BICC1: variants seen among roughly 807,000 people sequenced by gnomAD.
BICC1 encodes protein bicaudal C homolog 1.
Under a neutral mutation model 111.0 loss-of-function variants are expected in BICC1, and 43 were observed. The ratio of observed to expected loss-of-function variants is 0.39; its 90% CI spans 0.30 to 0.50. BICC1 has a LOEUF of 0.50. Ranked by LOEUF, BICC1 falls within the 20% of genes least tolerant of loss-of-function variation. The pLI is 0.88. For synonymous variants in BICC1, 467 were observed against 434.4 expected (o/e 1.07, Z -0.93); for missense variants, 1,091 against 1,203.2 (o/e 0.91, Z 1.38).
At chr10:58,766,273 G>A (rs1842453258) in intron 3 of BICC1, among the ~76,000 whole-genome samples, 1 of 152,184 alleles carries the variant, frequency 6.6e-6, no homozygotes, top group East Asian at 1.9e-4. Context: ...TAGTGCCATG[G>A]GGTGGGGATG....
intron 2 of BICC1, among the ~76,000 whole-genome samples, chr10:58,624,490 ATC>A (rs1033088444): frequency 4.6e-5 from 7 of 152,212 alleles, no homozygotes; most frequent in African/African-American, 1.7e-4. Flanking sequence ...TTTATACTAA[ATC>A]TATTTTTTTA....
At chr10:58,653,962 G>T (rs1050903020) in intron 2 of BICC1, among the ~76,000 whole-genome samples, 1 of 151,390 alleles carries the variant, frequency 6.6e-6, no homozygotes, top group African/African-American at 2.4e-5. Context: ...ATAGTTTATT[G>T]AGAATGATGA....
intron 3 of BICC1, among the ~76,000 whole-genome samples, chr10:58,778,732 C>T (rs906689890): frequency 7.2e-5 from 11 of 152,190 alleles, no homozygotes; most frequent in African/African-American, 2.4e-4. Context: ...AGGCCTAGAG[C>T]AGATGGGTTT....
rs536611756 is a variant in BICC1 at position 58,713,323 on chromosome 10, A to C, written c.307+11180A>C. 5.3e-5 allele frequency among the ~76,000 whole-genome samples: 8 copies of C among 152,316 alleles called. No homozygotes were observed. In the East Asian group the frequency reaches 1.5e-3, roughly 29 times the overall value. The stretch of plus-strand genomic sequence containing the variant: ...GTCCTCTTGCCTGTGGTGACATCCC[A>C]GGATCCCTTCCATCTGCAGTTTTTT... On this transcript the variant is annotated intron_variant, in intron 3 of 20. Transcript: ENST00000373886.
At chr10:58,604,691 C>T (rs1845152484) in intron 1 of BICC1, among the ~76,000 whole-genome samples, 1 of 152,126 alleles carries the variant, frequency 6.6e-6, no homozygotes, top group Non-Finnish European at 1.5e-5. Flanking sequence ...TAATTTCCAT[C>T]TTTACAAATC....
intron 1 of BICC1, among the ~76,000 whole-genome samples, chr10:58,535,619 T>G (rs556755203): frequency 6.6e-6 from 1 of 151,754 alleles, no homozygotes; most frequent in South Asian, 2.1e-4. Flanking sequence ...CACACCAGGA[T>G]AGAAACCTCT....
chr10:58,806,671 CAT>C (rs763782043), intron 16 of BICC1, 48 bp downstream of exon 16: 2 of 1,473,166 alleles, frequency 1.4e-6, no homozygotes, highest in African/African-American at 2.8e-5. Context: ...TTAGTACACT[CAT>C]AAATGTTTTT....
intron 2 of BICC1, among the ~76,000 whole-genome samples, chr10:58,628,836 A>G (rs1837709147): frequency 1.3e-5 from 2 of 152,194 alleles, no homozygotes; most frequent in South Asian, 2.1e-4. Context: ...GTTGGCTCCA[A>G]TGTCATTGCT....
intron 3 of BICC1, among the ~76,000 whole-genome samples, chr10:58,759,968 GAAA>G (rs56286810): frequency 1.5e-5 from 2 of 132,716 alleles, no homozygotes; most frequent in Non-Finnish European, 1.6e-5. Context: ...AAAAGAAAAA[GAAA>G]AAAAAAAAAA....
At chr10:58,801,447 A>G (rs1843544910) in intron 14 of BICC1, among the ~76,000 whole-genome samples, 1 of 152,166 alleles carries the variant, frequency 6.6e-6, no homozygotes, top group African/African-American at 2.4e-5. Flanking sequence ...TTCCCAAGGT[A>G]GTTAATTGCA....
At position 58,763,836 on chromosome 10, in the gene BICC1, G is replaced by A. The variant is rs7086010; in HGVS notation, c.308-21165G>A. On this transcript the variant is annotated intron_variant, in intron 3 of 20. Coordinates refer to ENST00000373886, the MANE Select transcript of BICC1 (RefSeq NM_001080512.3). ...GAATAGAGGCCTAAACTAGGAAACT[G>A]GAATTGGAAAGAATCACAATACTAG... 5.2e-3 allele frequency among the ~76,000 whole-genome samples: 797 copies of A among 152,060 alleles called. 15 individuals carry two copies. Among genetic ancestry groups the A allele is most frequent in the African/African-American group, 0.018 (753 of 41,494 alleles).
chr10:58,536,154 CA>C (rs1401925474), intron 1 of BICC1, among the ~76,000 whole-genome samples: 1 of 151,580 alleles, frequency 6.6e-6, no homozygotes, highest in Non-Finnish European at 1.5e-5. Context: ...CCACTGGCAG[CA>C]CTAGACAGAG....
At chr10:58,607,144 C>A (rs1425223886) in intron 1 of BICC1, among the ~76,000 whole-genome samples, 1 of 151,882 alleles carries the variant, frequency 6.6e-6, no homozygotes. Context: ...TGGAGAAACC[C>A]TGTCTCTACT....
chr10:58,662,407 C>G (rs1466500913), intron 2 of BICC1, among the ~76,000 whole-genome samples: 3 of 152,194 alleles, frequency 2.0e-5, no homozygotes, highest in African/African-American at 4.8e-5. Context: ...AAATTAAAAA[C>G]TTAACTAAAA....
At chr10:58,616,942 G>C (rs909344253) in intron 1 of BICC1, among the ~76,000 whole-genome samples, 4 of 152,198 alleles carry the variant, frequency 2.6e-5, no homozygotes, top group African/African-American at 7.2e-5. Flanking sequence ...AGATGGTGCG[G>C]CTGAGACCAC....
At chr10:58,601,140 T>TAATATATATATATATG (rs1554810885) in intron 1 of BICC1, among the ~76,000 whole-genome samples, 1 of 100,672 alleles carries the variant, frequency 9.9e-6, no homozygotes, top group East Asian at 2.7e-4. Context: ...ATTTTAAAAC[T>TAATATATATATATATG]TATATATATA....
At chr10:58,571,599 C>T (rs995763662) in intron 1 of BICC1, among the ~76,000 whole-genome samples, 2 of 146,766 alleles carry the variant, frequency 1.4e-5, no homozygotes, top group African/African-American at 5.0e-5. Context: ...AGTTGGTTTT[C>T]TGTTCCTGTG....
chr10:58,562,979 C>T (rs1017697811), intron 1 of BICC1, among the ~76,000 whole-genome samples: 1 of 151,994 alleles, frequency 6.6e-6, no homozygotes, highest in South Asian at 2.1e-4. Flanking sequence ...TCCTTGGGAG[C>T]GTATAGGGGC....
chr10:58,718,761 T>TGTGA (rs888569878), intron 3 of BICC1, among the ~76,000 whole-genome samples: 3 of 149,688 alleles, frequency 2.0e-5, no homozygotes, highest in African/African-American at 7.5e-5. Context: ...TGTGTGTGTG[T>TGTGA]GTGTGCGCGC....
Sources: gnomAD v4.1 joint callset for allele counts (sites outside exome capture counted in the v4.1 genomes callset) on GRCh38, gnomAD v4.1.1 for gene constraint, MANE v1.5 for transcripts, NCBI Gene and HGNC (gene_info 2026-07-23, HGNC 2026-07-21) for gene names.